Variants in BPIFA1 observed in about 807,000 individuals in gnomAD.
BPIFA1 encodes the protein BPI fold-containing family A member 1.
Under a neutral mutation model 25.1 loss-of-function variants are expected in BPIFA1, and 24 were observed. The ratio of observed to expected loss-of-function variants is 0.96; its 90% CI spans 0.69 to 1.35. The LOEUF (loss-of-function observed/expected upper bound fraction) is 1.35. Among genes scored for constraint, BPIFA1 ranks in the 40% most tolerant of loss-of-function variants. The probability of loss-of-function intolerance (pLI) is 0.00; values close to 1 mark genes in which losing one functional copy is unlikely to be tolerated. For missense variants in BPIFA1, 344 were observed against 303.7 expected (o/e 1.13, Z -0.99); for synonymous variants, 139 against 131.8 (o/e 1.05, Z -0.37).
At chr20:33,241,351 G>C in intron 5 of BPIFA1, 34 bp from the exon 6 acceptor site, 1 of 1,572,658 alleles carries the variant, frequency 6.4e-7, no homozygotes, top group Non-Finnish European at 8.8e-7. Flanking sequence ...ACCATCTCCA[G>C]GTCCCTGCAT....
chr20:33,241,984 G>A (rs982973862), intron 6 of BPIFA1, 72 bp from the exon 7 acceptor site: 9 of 1,371,996 alleles, frequency 6.6e-6, no homozygotes, highest in Non-Finnish European at 9.3e-6. Context: ...AATTTCCCCA[G>A]AGAACCCCCA....
intron 3 of BPIFA1, among the ~76,000 whole-genome samples, chr20:33,239,008 G>C (rs78175379): frequency 0.068 from 10,373 of 152,214 alleles, 1,217 homozygotes; most frequent in African/African-American, 0.24. Flanking sequence ...GTAAAATATA[G>C]ATTATAGAAC....
rs368369922 is a variant in BPIFA1, at chr20:33,240,340, A to G, written c.536A>G (p.Asp179Gly). The G allele has an allele frequency of 6.2e-7, 1 of 1,613,990 alleles. No individual in the cohort carries two copies. The highest frequency in any genetic ancestry group is 1.3e-5 in the African/African-American group (1 of 74,884). Residue 179 changes from aspartate to glycine, a missense_variant, in exon 5 of 9, where the codon GAC (aspartate) becomes GGC (glycine). Coordinates refer to ENST00000354297, the MANE Select transcript of BPIFA1 (RefSeq NM_130852.3). ...KQERIHLVLG[D>G]CTHSPGSLQI... ...GAGAGGATCCACCTGGTCCTTGGTGACTGCACCCATTCCCCTGGAAGCCTG... is the reference window on the plus strand; with the variant it reads ...GAGAGGATCCACCTGGTCCTTGGTGGCTGCACCCATTCCCCTGGAAGCCTG...
Position 33,242,068 on chromosome 20 carries a change from G to C in BPIFA1, c.679G>C (p.Val227Leu). 6.2e-7 allele frequency: 1 copy of C among 1,614,152 alleles called. No homozygotes were observed. The highest frequency in any genetic ancestry group is 8.5e-7 in the Non-Finnish European group (1 of 1,180,006). ...ELVQGNVCPLVNEVLRGLDIT... is the reference protein window; with the variant it reads ...ELVQGNVCPLLNEVLRGLDIT... ...TGCCCCTGGCCAGGTGTGCCCTCTG[G>C]TCAATGAGGTTCTCAGAGGCTTGGA... is the stretch of plus-strand genomic sequence containing the variant. Residue 227 changes from valine (V) to leucine (L), a missense_variant, in exon 7 of 9, where the codon GTC becomes CTC. Physicochemically the swap from Val to Leu is conservative, Grantham distance 32. Transcript: ENST00000354297.
At chr20:33,237,897 CATGTGTGTGTGTGTGTGT>C in intron 2 of BPIFA1, 26 bp downstream of exon 2, 3 of 1,268,330 alleles carry the variant, frequency 2.4e-6, no homozygotes, top group Non-Finnish European at 2.1e-6. Context: ...TGTATGTGTG[CATGTGTGTGTGTGTGTGT>C]GTGTGTGTGT....
chr20:33,241,942 T>C (rs541215609), intron 6 of BPIFA1, 114 bp from the exon 7 acceptor site: 7 of 929,996 alleles, frequency 7.5e-6, no homozygotes, highest in Non-Finnish European at 1.2e-5. Flanking sequence ...TGGGATTGCT[T>C]AGAATCACTT....
rs772819924 is a variant in BPIFA1, at chr20:33,239,825, CT to C, written c.344del (p.Leu115ArgfsTer23). ...CAGCATAAAGGTCACTGACCCCCAG[CT>C]GCTGGAACTTGGCCTTGTGCAGAGC... ...IIDIKVTDPQ[L>X]LELGLVQSPD... On this transcript the variant is annotated frameshift_variant, in exon 4 of 9. Transcript: ENST00000354297. LOFTEE classifies it high-confidence loss of function. 6.2e-6 allele frequency: 10 copies of C among 1,614,090 alleles called. No individual in the cohort carries two copies. The Admixed American group carries it at 8.3e-5, about 13-fold the overall frequency.
intron 6 of BPIFA1, 119 bp downstream of exon 6, chr20:33,241,588 A>C: frequency 1.2e-6 from 1 of 851,384 alleles, no homozygotes; most frequent in Non-Finnish European, 2.0e-6. Flanking sequence ...TCCATTCATC[A>C]ATCTATTTGT....
chr20:33,239,765 A>G, intron 3 of BPIFA1, 38 bp from the exon 4 acceptor site: 1 of 1,557,206 alleles, frequency 6.4e-7, no homozygotes, highest in Non-Finnish European at 8.9e-7. Context: ...GAGCTAGAGG[A>G]GCTAATGTTT....
chr20:33,242,673 C>A, intron 8 of BPIFA1, 112 bp downstream of exon 8: 1 of 767,524 alleles, frequency 1.3e-6, no homozygotes, highest in Non-Finnish European at 2.2e-6. Flanking sequence ...CAAACATCTA[C>A]AGAGGTACAC....
At chr20:33,240,160 T>C in intron 4 of BPIFA1, 73 bp from the exon 5 acceptor site, 1 of 1,576,224 alleles carries the variant, frequency 6.3e-7, no homozygotes. Flanking sequence ...CTAGCATTCT[T>C]GGCAAGGAGA....
At chr20:33,240,680 T>C (rs916253662) in intron 5 of BPIFA1, among the ~76,000 whole-genome samples, 2 of 146,132 alleles carry the variant, frequency 1.4e-5, no homozygotes, top group Non-Finnish European at 2.9e-5. Context: ...GATAGATAGA[T>C]AGATAGATAA....
In BPIFA1 at chr20:33,240,256, T is replaced by G. The variant is rs1264854620; in HGVS notation, c.452T>G (p.Leu151Trp). The change falls in exon 5 of 9, where the codon TTG becomes TGG. Residue 151 changes from leucine (L) to tryptophan (W), a missense_variant. By Grantham distance (61) the Leu-to-Trp change is moderately conservative (BLOSUM62 -2). Coordinates refer to ENST00000354297, the MANE Select transcript of BPIFA1 (RefSeq NM_130852.3). ...VNTPLVGASL[L>W]RLAVKLDITA... Reference sequence around the variant, plus strand: ...AGGCCCCTGGTCGGTGCAAGTCTGTTGAGGCTGGCTGTGAAGCTGGACATC... The same window carrying G: ...AGGCCCCTGGTCGGTGCAAGTCTGTGGAGGCTGGCTGTGAAGCTGGACATC... 1 of 1,613,984 alleles carries G rather than the reference T, an allele frequency of 6.2e-7. No individual in the cohort carries two copies. The highest frequency in any genetic ancestry group is 1.3e-5 in the African/African-American group (1 of 74,904).
chr20:33,238,037 C>T lies in BPIFA1; in HGVS notation c.161-18C>T. On this transcript the variant is annotated intron_variant, in intron 2 of 8. Transcript: ENST00000354297. ...ATTGTCAGATCTGACCCCCAGAGAC[C>T]CTTACACCCATTTCCAGCCCTCAGC... The T allele has an allele frequency of 1.1e-5, 18 of 1,608,478 alleles. No homozygotes were observed. Among genetic ancestry groups the T allele is most frequent in the Non-Finnish European group, 1.5e-5 (18 of 1,177,618 alleles).
chr20:33,239,181 G>A (rs953158842), intron 3 of BPIFA1, among the ~76,000 whole-genome samples: 1 of 152,080 alleles, frequency 6.6e-6, no homozygotes, highest in Non-Finnish European at 1.5e-5. Context: ...ATGGATGGAT[G>A]GTTGGAAAGA....
intron 4 of BPIFA1, 75 bp downstream of exon 4, chr20:33,239,985 G>A: frequency 6.7e-7 from 1 of 1,488,860 alleles, no homozygotes; most frequent in East Asian, 2.3e-5. Flanking sequence ...AACCATAACG[G>A]GGGTATTGGA....
chr20:33,240,786 T>G (rs904269745), intron 5 of BPIFA1, among the ~76,000 whole-genome samples: 2 of 152,128 alleles, frequency 1.3e-5, no homozygotes, highest in African/African-American at 4.8e-5. Flanking sequence ...TACAGGGGAA[T>G]GGGGATAGAG....
Position 33,240,326 on chromosome 20 carries a change from C to T in BPIFA1, c.522C>T (p.His174=), listed in dbSNP as rs775629298. The change falls in exon 5 of 9, where the codon CAC becomes CAT. Residue 174 remains histidine, a synonymous_variant. Transcript: ENST00000354297. ...TGAGAGATAAGCAGGAGAGGATCCA[C>T]CTGGTCCTTGGTGACTGCACCCATT... is the stretch of plus-strand genomic sequence containing the variant. ...LAVRDKQERI[H]LVLGDCTHSP... The T allele has an allele frequency of 7.1e-5, 114 of 1,613,988 alleles. No homozygotes were observed. The highest frequency in any genetic ancestry group is 4.9e-4 in the Middle Eastern group (3 of 6,084).
chr20:33,237,677 A>C lies in BPIFA1; in HGVS notation c.-15-20A>C. ...CTCTCTGATACCCATGCCATGTTGG[A>C]CTTGTCATTCTGGCCACAGATACTA... On this transcript the variant is annotated intron_variant, in intron 1 of 8. Coordinates refer to ENST00000354297, the MANE Select transcript of BPIFA1 (RefSeq NM_130852.3). The C allele has an allele frequency of 7.1e-7, 1 of 1,411,062 alleles. No individual in the cohort carries two copies. Among genetic ancestry groups the C allele is most frequent in the East Asian group, 2.6e-5 (1 of 38,394 alleles). 87.4% of individuals were successfully genotyped at this position (1,411,062 alleles called of 1,614,324 possible).
Sources: allele counts gnomAD v4.1 joint callset (sites outside exome capture counted in the v4.1 genomes callset), GRCh38; gene constraint gnomAD v4.1.1; transcripts MANE v1.5; gene names NCBI Gene and HGNC (gene_info 2026-07-23, HGNC 2026-07-21).